C8orf34: variants seen among roughly 807,000 people sequenced by gnomAD.
C8orf34 encodes uncharacterized protein C8orf34.
C8orf34 carries 65 observed loss-of-function variants against 68.3 expected under a neutral mutation model. The observed-to-expected ratio is 0.95, with a 90% CI of 0.78 to 1.17. C8orf34 has a LOEUF of 1.17. Ranked by LOEUF, C8orf34 falls within the 50% of genes most tolerant of loss-of-function variation. C8orf34 has a pLI of 0.00. For synonymous variants in C8orf34, 244 were observed against 241.2 expected (o/e 1.01, Z -0.11); for missense variants, 664 against 655.4 (o/e 1.01, Z -0.14).
intron 5 of C8orf34, among the ~76,000 whole-genome samples, chr8:68,519,908 A>AC (rs2129653704): frequency 6.6e-6 from 1 of 152,288 alleles, no homozygotes; most frequent in African/African-American, 2.4e-5. Context: ...ATGTTTATAG[A>AC]TTTTTAAATT....
intron 7 of C8orf34, among the ~76,000 whole-genome samples, chr8:68,538,683 G>T (rs1318365740): frequency 6.6e-6 from 1 of 151,940 alleles, no homozygotes; most frequent in African/African-American, 2.4e-5. Flanking sequence ...AAAATTAAAG[G>T]CTTGAAAAGA....
intron 4 of C8orf34, among the ~76,000 whole-genome samples, chr8:68,485,495 C>T (rs1173314721): frequency 2.6e-5 from 4 of 151,942 alleles, no homozygotes; most frequent in East Asian, 3.9e-4. Context: ...AGGCGGATCA[C>T]GAGGTCAGGA....
chr8:68,707,701 G>T lies in C8orf34; in HGVS notation c.1242-1293G>T, dbSNP rs992153193. Among the ~76,000 whole-genome samples the T allele has an allele frequency of 2.6e-5, 4 of 151,956 alleles. No individual in the cohort carries two copies. In the East Asian group the frequency reaches 7.7e-4, roughly 29 times the overall value. ...AGTGATCCACCTGCCTTAGCCTCCC[G>T]AAGTGCTGAGATTACAGGAGTGAGC... On this transcript the variant is annotated intron_variant, in intron 8 of 13. Coordinates refer to ENST00000518698, the MANE Select transcript of C8orf34 (RefSeq NM_052958.4).
At chr8:68,652,468 T>G (rs1563587196) in intron 8 of C8orf34, among the ~76,000 whole-genome samples, 1 of 152,198 alleles carries the variant, frequency 6.6e-6, no homozygotes, top group Non-Finnish European at 1.5e-5. Flanking sequence ...TGGTGTCATA[T>G]CTAAGAAACT....
intron 12 of C8orf34, among the ~76,000 whole-genome samples, chr8:68,788,148 T>A (rs911563820): frequency 6.6e-6 from 1 of 152,180 alleles, no homozygotes. Flanking sequence ...GAAGTTAGTA[T>A]CAAATTTTAT....
chr8:68,769,804 C>A (rs578239571), intron 10 of C8orf34, among the ~76,000 whole-genome samples: 50 of 152,096 alleles, frequency 3.3e-4, no homozygotes, highest in Non-Finnish European at 6.2e-4. Flanking sequence ...ATTTGGAAAA[C>A]AAATATTAAT....
intron 12 of C8orf34, among the ~76,000 whole-genome samples, chr8:68,798,234 C>T (rs115982775): frequency 6.6e-6 from 1 of 151,086 alleles, no homozygotes; most frequent in Non-Finnish European, 1.5e-5. Context: ...AAGTGCTCCT[C>T]CTGCCTTGGC....
rs547467457 is a variant in C8orf34 at position 68,515,345 on chromosome 8, A to T, written c.766-6454A>T. 2.6e-5 allele frequency among the ~76,000 whole-genome samples: 4 copies of T among 151,222 alleles called. No homozygotes were observed. The East Asian group carries it at 7.8e-4, about 29-fold the overall frequency. On this transcript the variant is annotated intron_variant, in intron 5 of 13. Transcript: ENST00000518698. ...TCTCCAGCTGCTCTATGTAAATTAC[A>T]TGCTATGAGATATAGAAGATAATTT...
chr8:68,616,242 C>T (rs1182527967), intron 7 of C8orf34, among the ~76,000 whole-genome samples: 4 of 152,068 alleles, frequency 2.6e-5, no homozygotes, highest in African/African-American at 9.7e-5. Flanking sequence ...AAAAAACCAA[C>T]TCCTGGATTC....
At chr8:68,389,187 G>T (rs766682517) in intron 1 of C8orf34, among the ~76,000 whole-genome samples, 15 of 152,088 alleles carry the variant, frequency 9.9e-5, no homozygotes, top group Non-Finnish European at 2.2e-4. Flanking sequence ...TGTCCTCATG[G>T]AGCCTGTTAT....
chr8:68,728,380 C>T (rs1484880234), intron 10 of C8orf34, among the ~76,000 whole-genome samples: 1 of 152,168 alleles, frequency 6.6e-6, no homozygotes, highest in Non-Finnish European at 1.5e-5. Context: ...CCCACATTTT[C>T]CTGTCTTCTT....
At chr8:68,466,994 G>A (rs185622591) in intron 3 of C8orf34, among the ~76,000 whole-genome samples, 92 of 151,708 alleles carry the variant, frequency 6.1e-4, no homozygotes, top group Non-Finnish European at 1.1e-3. Flanking sequence ...AAAAGTTTAA[G>A]TAGTACTATG....
chr8:68,692,511 A>G (rs1300032512), intron 8 of C8orf34, among the ~76,000 whole-genome samples: 3 of 152,072 alleles, frequency 2.0e-5, no homozygotes, highest in Non-Finnish European at 4.4e-5. Context: ...ATTCCAGCTT[A>G]TATAGTGTCT....
At chr8:68,484,475 T>C (rs956563250) in intron 4 of C8orf34, among the ~76,000 whole-genome samples, 1 of 152,240 alleles carries the variant, frequency 6.6e-6, no homozygotes, top group Non-Finnish European at 1.5e-5. Flanking sequence ...CCTCAAGTCC[T>C]GGGCTTTTCT....
At chr8:68,640,288 C>T in intron 7 of C8orf34, 88 bp from the exon 8 acceptor site, 1 of 1,248,410 alleles carries the variant, frequency 8.0e-7, no homozygotes, top group Non-Finnish European at 1.1e-6. Context: ...GCTTAACAAA[C>T]TAATGGCAGA....
chr8:68,604,670 A>G (rs988125124), intron 7 of C8orf34, among the ~76,000 whole-genome samples: 2 of 152,092 alleles, frequency 1.3e-5, no homozygotes, highest in Non-Finnish European at 2.9e-5. Context: ...AAAATAATAA[A>G]TCTAGGTACA....
At chr8:68,768,441 CAGTT>C (rs1037696655) in intron 10 of C8orf34, among the ~76,000 whole-genome samples, 47 of 152,160 alleles carry the variant, frequency 3.1e-4, no homozygotes, top group African/African-American at 1.1e-3. Flanking sequence ...TTTCAGTGGA[CAGTT>C]AGTTCTCATC....
chr8:68,791,351 C>T, intron 12 of C8orf34: 1 of 162,080 alleles, frequency 6.2e-6, no homozygotes, highest in Non-Finnish European at 1.3e-5. Flanking sequence ...TATCTGCCCC[C>T]ATGATCCAAC....
At chr8:68,341,982 G>C (rs184592229) in intron 1 of C8orf34, among the ~76,000 whole-genome samples, 3 of 152,234 alleles carry the variant, frequency 2.0e-5, no homozygotes, top group Admixed American at 1.3e-4. Context: ...TAGACAGAAG[G>C]AATAAACTCT....
Sources: allele counts gnomAD v4.1 joint callset (sites outside exome capture counted in the v4.1 genomes callset), GRCh38; gene constraint gnomAD v4.1.1; transcripts MANE v1.5; gene names NCBI Gene and HGNC (gene_info 2026-07-23, HGNC 2026-07-21).